The following NRXN1 variants were observed in gnomAD, a reference collection of about 807,000 sequenced individuals.
NRXN1 encodes the protein neurexin-1.
NRXN1 carries 39 observed loss-of-function variants against 150.9 expected under a neutral mutation model. The ratio of observed to expected loss-of-function variants is 0.26; its 90% CI spans 0.20 to 0.34. NRXN1 has a LOEUF of 0.34. NRXN1 is among the 10% of genes least tolerant of loss of function. NRXN1 has a pLI of 1.00. For synonymous variants in NRXN1, 924 were observed against 757.0 expected (o/e 1.22, Z -3.62); for missense variants, 1,815 against 1,949.9 (o/e 0.93, Z 1.30).
At chr2:50,704,149 T>G (rs1382849908) in intron 5 of NRXN1, among the ~76,000 whole-genome samples, 1 of 152,052 alleles carries the variant, frequency 6.6e-6, no homozygotes, top group African/African-American at 2.4e-5. Flanking sequence ...GCCAATATTA[T>G]CTTTATTATT....
chr2:50,681,141 G>A (rs190476030), intron 5 of NRXN1, among the ~76,000 whole-genome samples: 1 of 152,232 alleles, frequency 6.6e-6, no homozygotes, highest in Non-Finnish European at 1.5e-5. Flanking sequence ...CTTAAGGTGG[G>A]GCAGATAATG....
intron 5 of NRXN1, among the ~76,000 whole-genome samples, chr2:50,691,963 T>C (rs191087622): frequency 4.3e-4 from 65 of 152,316 alleles, no homozygotes; most frequent in Admixed American, 3.3e-4. Flanking sequence ...ATGGTAGTTA[T>C]ATTCATCTGA....
rs569423916 is a variant in NRXN1 at position 50,102,271 on chromosome 2, G to A, written c.3547-10777C>T. On this transcript the variant is annotated intron_variant, in intron 18 of 22. Coordinates refer to ENST00000401669, the MANE Select transcript of NRXN1 (RefSeq NM_001330078.2). ...AGTAATGCAGAAAAATATTTATCAA[G>A]TGCCTTTTAGCTGCAGTGAATTTTG... Among the ~76,000 whole-genome samples the A allele has an allele frequency of 1.5e-3, 226 of 152,016 alleles. 1 individual carries two copies. The highest frequency in any genetic ancestry group is 2.5e-3 in the Non-Finnish European group (170 of 67,880).
At chr2:50,139,367 G>A (rs920163510) in intron 18 of NRXN1, among the ~76,000 whole-genome samples, 29 of 146,962 alleles carry the variant, frequency 2.0e-4, no homozygotes, top group Admixed American at 3.4e-4. Context: ...GGGCCATCAT[G>A]TGAACCTGAA....
intron 5 of NRXN1, among the ~76,000 whole-genome samples, chr2:50,708,770 A>C (rs941511069): frequency 2.6e-5 from 4 of 152,128 alleles, no homozygotes; most frequent in Non-Finnish European, 2.9e-5. Flanking sequence ...CTAGCTGTGC[A>C]TCCTTTTCCC....
chr2:50,980,566 A>G (rs1696630347), intron 2 of NRXN1, among the ~76,000 whole-genome samples: 1 of 152,120 alleles, frequency 6.6e-6, no homozygotes, highest in East Asian at 1.9e-4. Context: ...GAAGGTAATA[A>G]CCACTACTGT....
intron 9 of NRXN1, among the ~76,000 whole-genome samples, chr2:50,545,489 T>C (rs959274406): frequency 3.9e-5 from 6 of 152,152 alleles, no homozygotes; most frequent in African/African-American, 1.4e-4. Flanking sequence ...GTCTGCCCCT[T>C]AGCTAGGCAA....
In NRXN1 at chr2:50,955,984, T is replaced by C. The variant is rs939203182; in HGVS notation, c.773-30029A>G. ...GAAACATGTTTGTGAGAAAACAGCA[T>C]TGGAAAACTAGTGCCTGGCTCTACC... On this transcript the variant is annotated intron_variant, in intron 2 of 22. Coordinates refer to ENST00000401669, the MANE Select transcript of NRXN1 (RefSeq NM_001330078.2). 4.6e-5 allele frequency among the ~76,000 whole-genome samples: 7 copies of C among 152,140 alleles called. No individual in the cohort carries two copies. The East Asian group carries it at 5.8e-4, about 13-fold the overall frequency.
chr2:50,240,880 C>A lies in NRXN1; in HGVS notation c.3365-3910G>T, dbSNP rs138323093. Among the ~76,000 whole-genome samples the A allele has an allele frequency of 6.2e-3, 940 of 151,646 alleles. 5 individuals carry two copies. Among genetic ancestry groups the A allele is most frequent in the Non-Finnish European group, 9.7e-3 (654 of 67,724 alleles). On this transcript the variant is annotated intron_variant, in intron 17 of 22. Transcript: ENST00000401669. Reference sequence around the variant, plus strand: ...AGAGAATAGGTGTCATGTGTGAGGGCAGTTGTGTGTGCTGTAAAAATATAA... The same window carrying A: ...AGAGAATAGGTGTCATGTGTGAGGGAAGTTGTGTGTGCTGTAAAAATATAA...
intron 21 of NRXN1, among the ~76,000 whole-genome samples, chr2:50,036,000 A>G (rs1053693619): frequency 6.6e-6 from 1 of 152,164 alleles, no homozygotes; most frequent in Admixed American, 6.6e-5. Flanking sequence ...TGTACCCACA[A>G]GGAATGAATA....
At chr2:50,647,924 A>G (rs560192780) in intron 5 of NRXN1, among the ~76,000 whole-genome samples, 8 of 152,086 alleles carry the variant, frequency 5.3e-5, no homozygotes, top group African/African-American at 1.9e-4. Context: ...TGTACTGTAC[A>G]TGTGTGTATA....
chr2:50,329,621 A>G (rs56269149), intron 17 of NRXN1, among the ~76,000 whole-genome samples: 4,444 of 10,786 alleles, frequency 0.41, 236 homozygotes, highest in East Asian at 0.5. Flanking sequence ...GTGTGTGTAT[A>G]TATATATATA....
At chr2:50,680,091 G>A (rs560650977) in intron 5 of NRXN1, among the ~76,000 whole-genome samples, 3 of 152,224 alleles carry the variant, frequency 2.0e-5, no homozygotes, top group African/African-American at 7.2e-5. Context: ...TGAGCCTGCA[G>A]TGAGCTGTGA....
At chr2:50,249,220 T>C (rs1307365155) in intron 17 of NRXN1, among the ~76,000 whole-genome samples, 1 of 150,608 alleles carries the variant, frequency 6.6e-6, no homozygotes, top group Admixed American at 6.6e-5. Context: ...AGGCAGGGGA[T>C]GGTGATAATT....
intron 2 of NRXN1, among the ~76,000 whole-genome samples, chr2:50,981,910 A>G (rs2104893987): frequency 6.6e-6 from 1 of 152,076 alleles, no homozygotes; most frequent in South Asian, 2.1e-4. Flanking sequence ...CACAATGGTT[A>G]ATGGTATTAA....
chr2:50,842,483 A>G (rs897100821), intron 5 of NRXN1, among the ~76,000 whole-genome samples: 3 of 152,164 alleles, frequency 2.0e-5, no homozygotes, highest in Non-Finnish European at 4.4e-5. Flanking sequence ...AGTTAGCACC[A>G]AACAGTTATG....
intron 5 of NRXN1, among the ~76,000 whole-genome samples, chr2:50,684,510 G>T (rs1401076374): frequency 6.6e-6 from 1 of 151,900 alleles, no homozygotes; most frequent in Non-Finnish European, 1.5e-5. Context: ...TCAAAAAATG[G>T]AAAATACAAT....
chr2:50,177,773 A>C (rs868032169), intron 18 of NRXN1, among the ~76,000 whole-genome samples: 2,771 of 71,156 alleles, frequency 0.039, 45 homozygotes, highest in Non-Finnish European at 0.053. Context: ...CTAACTAACT[A>C]ACTCTCTCTC....
At chr2:50,313,761 A>C (rs2075365833) in intron 17 of NRXN1, among the ~76,000 whole-genome samples, 1 of 152,120 alleles carries the variant, frequency 6.6e-6, no homozygotes, top group Admixed American at 6.6e-5. Context: ...TAGGATATTT[A>C]GTGTCTTTAG....
Sources: gnomAD v4.1 joint callset for allele counts (sites outside exome capture counted in the v4.1 genomes callset) on GRCh38, gnomAD v4.1.1 for gene constraint, MANE v1.5 for transcripts, NCBI Gene and HGNC (gene_info 2026-07-23, HGNC 2026-07-21) for gene names.